CNTNAP2: variants seen among roughly 807,000 people sequenced by gnomAD.
The protein encoded by CNTNAP2 is contactin-associated protein-like 2.
CNTNAP2 carries 98 observed loss-of-function variants against 155.2 expected under a neutral mutation model. The observed-to-expected ratio is 0.63, with a 90% CI of 0.54 to 0.75. CNTNAP2 has a LOEUF of 0.75. CNTNAP2 is among the 30% of genes least tolerant of loss of function. The probability of loss-of-function intolerance (pLI) is 0.00; values close to 1 mark genes in which losing one functional copy is unlikely to be tolerated. For missense variants in CNTNAP2, 1,727 were observed against 1,688.1 expected, an observed-to-expected ratio of 1.02 and a Z score of -0.40; for synonymous variants, 651 against 631.2, an observed-to-expected ratio of 1.03 and a Z score of -0.47.
intron 21 of CNTNAP2, among the ~76,000 whole-genome samples, chr7:148,328,300 G>A (rs1020889854): frequency 6.6e-6 from 1 of 152,140 alleles, no homozygotes; most frequent in African/African-American, 2.4e-5. Flanking sequence ...GCCTGACACA[G>A]GAGGCATCCT....
At chr7:147,086,990 T>C (rs1800292662) in intron 4 of CNTNAP2, among the ~76,000 whole-genome samples, 1 of 152,090 alleles carries the variant, frequency 6.6e-6, no homozygotes, top group South Asian at 2.1e-4. Context: ...AGAGAGAATG[T>C]TGTGGTTTGT....
At position 148,395,486 on chromosome 7, in the gene CNTNAP2, C is replaced by T. The variant is rs569653271; in HGVS notation, c.3715+11598C>T. 1.1e-4 allele frequency among the ~76,000 whole-genome samples: 16 copies of T among 152,272 alleles called. No individual in the cohort carries two copies. In the South Asian group the frequency reaches 3.1e-3, roughly 30 times the overall value. ...TTTTTGCTAAGGGACCTGAAAAGAA[C>T]TTAGAGGCTGGCGTAAGTTGCCAAA... is the stretch of plus-strand genomic sequence containing the variant. On this transcript the variant is annotated intron_variant, in intron 22 of 23. Transcript: ENST00000361727.
intron 1 of CNTNAP2, among the ~76,000 whole-genome samples, chr7:146,171,075 A>T (rs2116818919): frequency 6.6e-6 from 1 of 152,248 alleles, no homozygotes; most frequent in South Asian, 2.1e-4. Flanking sequence ...ATGTGTGGAT[A>T]TTCACCTAGC....
At chr7:146,466,846 A>G (rs890768515) in intron 1 of CNTNAP2, among the ~76,000 whole-genome samples, 8 of 152,094 alleles carry the variant, frequency 5.3e-5, no homozygotes, top group Admixed American at 5.2e-4. Context: ...CCTACTTAAT[A>G]CTTTATTGTG....
chr7:147,765,523 CA>C (rs777150305), intron 13 of CNTNAP2, among the ~76,000 whole-genome samples: 2 of 152,206 alleles, frequency 1.3e-5, no homozygotes, highest in Admixed American at 6.5e-5. Flanking sequence ...TTTTGAAAAC[CA>C]CAGTGATATA....
chr7:148,100,675 C>T (rs1191853480), intron 15 of CNTNAP2, among the ~76,000 whole-genome samples: 1 of 152,184 alleles, frequency 6.6e-6, no homozygotes, highest in African/African-American at 2.4e-5. Flanking sequence ...CATTATGTCA[C>T]ATTTTTTGTC....
chr7:146,788,250 A>G (rs572502970), intron 2 of CNTNAP2, among the ~76,000 whole-genome samples: 1 of 152,104 alleles, frequency 6.6e-6, no homozygotes, highest in East Asian at 1.9e-4. Context: ...CCAGAGGGGG[A>G]CCCCCACAGC....
chr7:148,248,360 G>A (rs1422568507), intron 20 of CNTNAP2, among the ~76,000 whole-genome samples: 13 of 152,002 alleles, frequency 8.6e-5, no homozygotes, highest in Admixed American at 7.2e-4. Context: ...CACTACACCC[G>A]GCTAATTTTT....
At chr7:147,981,453 A>C (rs1044677223) in intron 15 of CNTNAP2, among the ~76,000 whole-genome samples, 5 of 152,216 alleles carry the variant, frequency 3.3e-5, no homozygotes, top group African/African-American at 1.2e-4. Flanking sequence ...CATTTACTGA[A>C]GTCTGTTCAA....
intron 1 of CNTNAP2, among the ~76,000 whole-genome samples, chr7:146,473,144 G>A (rs1231992914): frequency 2.0e-5 from 3 of 151,942 alleles, no homozygotes; most frequent in Non-Finnish European, 4.4e-5. Context: ...CTGAAGGAAC[G>A]TCTACAGGCT....
At chr7:147,679,458 A>C (rs945358658) in intron 13 of CNTNAP2, among the ~76,000 whole-genome samples, 2 of 151,972 alleles carry the variant, frequency 1.3e-5, no homozygotes, top group African/African-American at 4.8e-5. Flanking sequence ...AAATGGATTG[A>C]GGAAGTAGAT....
chr7:147,005,638 AG>A (rs1011465868), intron 3 of CNTNAP2, among the ~76,000 whole-genome samples: 1 of 152,054 alleles, frequency 6.6e-6, no homozygotes, highest in African/African-American at 2.4e-5. Context: ...GACCAAGAAA[AG>A]TATGGTAATC....
At chr7:146,861,501 A>T (rs1795099822) in intron 3 of CNTNAP2, among the ~76,000 whole-genome samples, 1 of 152,186 alleles carries the variant, frequency 6.6e-6, no homozygotes. Context: ...ATACTAATGC[A>T]TCATAATTTC....
rs186014017 is a variant in CNTNAP2, at chr7:146,569,080, A to G, written c.98-205191A>G. On this transcript the variant is annotated intron_variant, in intron 1 of 23. Coordinates refer to ENST00000361727, the MANE Select transcript of CNTNAP2 (RefSeq NM_014141.6). ...CGCCCAGGCTGGAGTGCAGTGGCGC[A>G]ATCTTGGCTCACCGCAAGGGCTGCC... Among the ~76,000 whole-genome samples, 699 of 151,994 alleles carry G rather than the reference A, an allele frequency of 4.6e-3. 5 individuals are homozygous for G. The highest frequency in any genetic ancestry group is 0.016 in the African/African-American group (650 of 41,490).
At chr7:146,835,916 G>A (rs913592676) in intron 2 of CNTNAP2, among the ~76,000 whole-genome samples, 1 of 152,144 alleles carries the variant, frequency 6.6e-6, no homozygotes, top group East Asian at 1.9e-4. Flanking sequence ...ACAGGTTGGG[G>A]CAGGGTACTG....
At chr7:146,802,862 G>A (rs1288416146) in intron 2 of CNTNAP2, among the ~76,000 whole-genome samples, 1 of 152,154 alleles carries the variant, frequency 6.6e-6, no homozygotes, top group Non-Finnish European at 1.5e-5. Flanking sequence ...TAGACAAATA[G>A]TGTGCAGCTG....
chr7:147,402,480 C>T (rs1475115583), intron 10 of CNTNAP2, among the ~76,000 whole-genome samples: 2 of 152,180 alleles, frequency 1.3e-5, no homozygotes, highest in East Asian at 3.9e-4. Context: ...CCCAGCATGT[C>T]TGAGTCCCAT....
chr7:148,093,727 T>C (rs1803899492), intron 15 of CNTNAP2, among the ~76,000 whole-genome samples: 1 of 152,114 alleles, frequency 6.6e-6, no homozygotes, highest in Admixed American at 6.6e-5. Context: ...TCATAGAAAA[T>C]TATTTTAAAT....
chr7:148,409,373 C>CTCTTT lies in CNTNAP2; in HGVS notation c.3716-17_3716-13dup. The CTCTTT allele has an allele frequency of 1.2e-6, 1 of 866,330 alleles. No individual in the cohort carries two copies. Among genetic ancestry groups the CTCTTT allele is most frequent in the Non-Finnish European group, 1.6e-6 (1 of 611,852 alleles). 53.7% of individuals were successfully genotyped at this position (866,330 alleles called of 1,614,324 possible). On this transcript the variant is annotated splice_polypyrimidine_tract_variant and intron_variant, in intron 22 of 23. Transcript: ENST00000361727. Reference sequence around the variant, plus strand: ...TAGTATACTTGACTCTGACACTTGACTCTTTCTTTCTCTACAGCCAGTGCG... The same window carrying CTCTTT: ...TAGTATACTTGACTCTGACACTTGACTCTTTTCTTTCTTTCTCTACAGCCAGTGCG...
Sources: allele counts gnomAD v4.1 joint callset (sites outside exome capture counted in the v4.1 genomes callset), GRCh38; gene constraint gnomAD v4.1.1; transcripts MANE v1.5; gene names NCBI Gene and HGNC (gene_info 2026-07-23, HGNC 2026-07-21).